FBLN5: variants seen among roughly 807,000 people sequenced by gnomAD.
FBLN5 encodes fibulin 5, also known as fibulin-5.
A neutral mutation model predicts 61.6 loss-of-function variants in FBLN5; 24 were observed. The ratio of observed to expected loss-of-function variants is 0.39; its 90% confidence interval spans 0.28 to 0.55. The LOEUF (loss-of-function observed/expected upper bound fraction) is 0.55. FBLN5 is among the 20% of genes least tolerant of loss of function. FBLN5 has a pLI of 0.65. For missense variants in FBLN5, 470 were observed against 594.1 expected (o/e 0.79, Z 2.17); for synonymous variants, 213 against 219.8 (o/e 0.97, Z 0.27).
intron 4 of FBLN5, among the ~76,000 whole-genome samples, chr14:91,907,749 A>G (rs1245150167): frequency 6.6e-6 from 1 of 152,118 alleles, no homozygotes; most frequent in Non-Finnish European, 1.5e-5. Flanking sequence ...GGAAAAGTAG[A>G]GAGAAAAGAA....
Position 91,877,597 on chromosome 14 carries a change from G to A in FBLN5, c.1075C>T (p.Arg359Cys), listed in dbSNP as rs750848683. ...LYRDMDVVSGRSVPADIFQMQ... is the reference protein window; with the variant it reads ...LYRDMDVVSGCSVPADIFQMQ... ...TGGAAGATGTCAGCGGGAACGGAGC[G>A]TCCTGACACCACGTCCATGTCCCGG... Residue 359 changes from arginine (R) to cysteine (C), a missense_variant, in exon 10 of 11, where the codon CGC (arginine) becomes TGC (cysteine). Coordinates refer to ENST00000342058, the MANE Select transcript of FBLN5 (RefSeq NM_006329.4). 15 of 1,613,894 alleles carry A rather than the reference G, an allele frequency of 9.3e-6. No homozygotes were observed. Among genetic ancestry groups the A allele is most frequent in the African/African-American group, 1.3e-5 (1 of 75,020 alleles).
At chr14:91,900,246 C>T (rs934714099) in intron 4 of FBLN5, among the ~76,000 whole-genome samples, 1 of 152,088 alleles carries the variant, frequency 6.6e-6, no homozygotes, top group Non-Finnish European at 1.5e-5. Context: ...TAAATAAAAT[C>T]TCTATAGGCA....
At chr14:91,896,071 C>T (rs1890212879) in intron 4 of FBLN5, among the ~76,000 whole-genome samples, 1 of 152,078 alleles carries the variant, frequency 6.6e-6, no homozygotes, top group Non-Finnish European at 1.5e-5. Context: ...AGATATCGAG[C>T]CATATTCATG....
intron 4 of FBLN5, among the ~76,000 whole-genome samples, chr14:91,920,548 C>T (rs577647699): frequency 6.6e-6 from 1 of 152,286 alleles, no homozygotes; most frequent in South Asian, 2.1e-4. Context: ...TGCCAATGGC[C>T]TGCCAGGTGA....
chr14:91,891,446 C>G (rs1209718454), intron 5 of FBLN5, 109 bp from the exon 6 acceptor site: 1 of 791,214 alleles, frequency 1.3e-6, no homozygotes, highest in East Asian at 2.4e-5. Context: ...TGAACGGAAG[C>G]AAATGGGAAC....
intron 7 of FBLN5, among the ~76,000 whole-genome samples, chr14:91,883,664 A>AAAAAAAAAAAAAAC (rs758858453): frequency 6.7e-6 from 1 of 148,396 alleles, no homozygotes; most frequent in African/African-American, 2.5e-5. Flanking sequence ...AAACAAAAAA[A>AAAAAAAAAAAAAAC]ACACACACAC....
chr14:91,923,870 C>T (rs552211097), intron 4 of FBLN5, among the ~76,000 whole-genome samples: 1 of 152,310 alleles, frequency 6.6e-6, no homozygotes, highest in South Asian at 2.1e-4. Context: ...AATGGACGCA[C>T]AGATATGCAA....
chr14:91,883,489 G>A (rs1889574243), intron 7 of FBLN5, among the ~76,000 whole-genome samples: 2 of 151,862 alleles, frequency 1.3e-5, no homozygotes, highest in Admixed American at 6.6e-5. Context: ...AACATTCCCT[G>A]GCCCTAGAGG....
intron 1 of FBLN5, among the ~76,000 whole-genome samples, chr14:91,944,120 A>G (rs1420905691): frequency 6.6e-6 from 1 of 152,252 alleles, no homozygotes; most frequent in African/African-American, 2.4e-5. Flanking sequence ...ACCTGAGGTC[A>G]GGAGTTCGAG....
At chr14:91,908,816 T>A (rs533937650) in intron 4 of FBLN5, among the ~76,000 whole-genome samples, 1 of 152,132 alleles carries the variant, frequency 6.6e-6, no homozygotes, top group African/African-American at 2.4e-5. Flanking sequence ...CCTAGCCCAA[T>A]GGTGTACATA....
At chr14:91,935,369 G>A (rs529648891) in intron 4 of FBLN5, among the ~76,000 whole-genome samples, 16 of 152,300 alleles carry the variant, frequency 1.1e-4, no homozygotes, top group Middle Eastern at 3.4e-3. Context: ...TCTGCACCAC[G>A]ACCACCCAAG....
At chr14:91,926,783 G>A (rs1262675672) in intron 4 of FBLN5, among the ~76,000 whole-genome samples, 1 of 151,798 alleles carries the variant, frequency 6.6e-6, no homozygotes, top group Non-Finnish European at 1.5e-5. Context: ...AGTGGATCGG[G>A]GGGAGTGGAC....
chr14:91,871,765 A>T (rs1469064638), intron 10 of FBLN5, among the ~76,000 whole-genome samples: 5 of 152,002 alleles, frequency 3.3e-5, no homozygotes, highest in Non-Finnish European at 7.4e-5. Context: ...GCTGAGGCAC[A>T]AGAATTGCTT....
chr14:91,932,783 CA>C (rs1182817610), intron 4 of FBLN5, among the ~76,000 whole-genome samples: 3 of 152,222 alleles, frequency 2.0e-5, no homozygotes, highest in Non-Finnish European at 4.4e-5. Flanking sequence ...TGAAATTCTA[CA>C]GAACAAGCAG....
At chr14:91,892,766 C>G (rs1445531636) in intron 5 of FBLN5, among the ~76,000 whole-genome samples, 1 of 152,200 alleles carries the variant, frequency 6.6e-6, no homozygotes, top group Non-Finnish European at 1.5e-5. Context: ...CCTCATTTTT[C>G]TGCAAAAGCA....
At chr14:91,936,251 A>AT (rs950996157) in intron 4 of FBLN5, among the ~76,000 whole-genome samples, 2 of 152,140 alleles carry the variant, frequency 1.3e-5, no homozygotes, top group Non-Finnish European at 2.9e-5. Context: ...ATTCATATAT[A>AT]TTTTTTCTTA....
At position 91,916,935 on chromosome 14, in the gene FBLN5, C is replaced by T. The variant is rs1226989646; in HGVS notation, c.379+20012G>A. ...GTAGCTTTGGACCCACTGCTGGTTC[C>T]GGGGTGGGCTTGTGATGTAGGCTTG... On this transcript the variant is annotated intron_variant, in intron 4 of 10. Coordinates refer to ENST00000342058, the MANE Select transcript of FBLN5 (RefSeq NM_006329.4). Among the ~76,000 whole-genome samples, 4 of 152,250 alleles carry T rather than the reference C, an allele frequency of 2.6e-5. No homozygotes were observed. The East Asian group carries it at 5.8e-4, about 22-fold the overall frequency.
chr14:91,871,480 A>C, intron 10 of FBLN5, among the ~76,000 whole-genome samples: 1 of 152,150 alleles, frequency 6.6e-6, no homozygotes, highest in East Asian at 1.9e-4. Context: ...TCAAGGAGGA[A>C]GGCAGAGAGG....
intron 4 of FBLN5, among the ~76,000 whole-genome samples, chr14:91,902,933 G>A (rs1399450499): frequency 6.6e-6 from 1 of 152,146 alleles, no homozygotes; most frequent in African/African-American, 2.4e-5. Context: ...TACTAGAGGA[G>A]GAAGGGAGGG....
Sources: gnomAD v4.1 joint callset for allele counts (sites outside exome capture counted in the v4.1 genomes callset) on GRCh38, gnomAD v4.1.1 for gene constraint, MANE v1.5 for transcripts, NCBI Gene and HGNC (gene_info 2026-07-23, HGNC 2026-07-21) for gene names.